The following CADM2 variants were observed in gnomAD, a reference collection of about 807,000 sequenced individuals.
The protein encoded by CADM2 is immunoglobulin superfamily member 4D.
A neutral mutation model predicts 49.8 loss-of-function variants in CADM2; 12 were observed. The ratio of observed to expected loss-of-function variants is 0.24; its 90% CI spans 0.15 to 0.39. The LOEUF (loss-of-function observed/expected upper bound fraction) is 0.39. CADM2 is among the 10% of genes least tolerant of loss of function. CADM2 has a pLI of 1.00. For missense variants in CADM2, 378 were observed against 492.3 expected, an observed-to-expected ratio of 0.77 and a Z score of 2.20; for synonymous variants, 214 against 175.4, an observed-to-expected ratio of 1.22 and a Z score of -1.74.
At chr3:85,275,436 A>T (rs2106863615) in intron 1 of CADM2, among the ~76,000 whole-genome samples, 1 of 151,616 alleles carries the variant, frequency 6.6e-6, no homozygotes, top group Non-Finnish European at 1.5e-5. Flanking sequence ...ACCTTCCACA[A>T]AATGTTTTAT....
chr3:86,017,060 C>A (rs1360345624), intron 8 of CADM2, among the ~76,000 whole-genome samples: 1 of 151,350 alleles, frequency 6.6e-6, no homozygotes, highest in Admixed American at 6.6e-5. Flanking sequence ...GTGCTTATTG[C>A]TTTAAGCTTT....
chr3:85,765,986 A>C (rs1297711729), intron 2 of CADM2, among the ~76,000 whole-genome samples: 1 of 152,112 alleles, frequency 6.6e-6, no homozygotes, highest in Non-Finnish European at 1.5e-5. Flanking sequence ...AGGGAGGAAA[A>C]TGTGCATATT....
intron 3 of CADM2, among the ~76,000 whole-genome samples, chr3:85,841,709 A>G (rs1306065046): frequency 6.6e-6 from 1 of 152,088 alleles, no homozygotes; most frequent in Non-Finnish European, 1.5e-5. Flanking sequence ...TCTTTGGATT[A>G]ACAGACTTTA....
chr3:85,482,937 A>G (rs1156738718), intron 1 of CADM2, among the ~76,000 whole-genome samples: 8 of 151,594 alleles, frequency 5.3e-5, no homozygotes, highest in Admixed American at 2.0e-4. Flanking sequence ...ATGAATATAT[A>G]TTTGACAAAA....
chr3:85,607,004 A>G (rs1014383528), intron 1 of CADM2, among the ~76,000 whole-genome samples: 3 of 152,160 alleles, frequency 2.0e-5, no homozygotes, highest in African/African-American at 7.2e-5. Context: ...TTGACATTGT[A>G]TAAGTATTTC....
intron 1 of CADM2, among the ~76,000 whole-genome samples, chr3:85,286,349 T>C (rs1457733554): frequency 6.6e-6 from 1 of 152,194 alleles, no homozygotes; most frequent in Non-Finnish European, 1.5e-5. Flanking sequence ...AACAAAGCTG[T>C]ATTTTATTTT....
At chr3:85,414,743 A>T (rs1325259169) in intron 1 of CADM2, among the ~76,000 whole-genome samples, 2 of 152,170 alleles carry the variant, frequency 1.3e-5, no homozygotes, top group African/African-American at 4.8e-5. Flanking sequence ...CAAGCTTTTT[A>T]CATTTCCATT....
At chr3:85,793,163 C>G (rs1297939394) in intron 2 of CADM2, among the ~76,000 whole-genome samples, 1 of 152,112 alleles carries the variant, frequency 6.6e-6, no homozygotes, top group Non-Finnish European at 1.5e-5. Context: ...GCTCAGTCTG[C>G]TATTTAAAGA....
chr3:85,303,683 T>C (rs892072919), intron 1 of CADM2, among the ~76,000 whole-genome samples: 2 of 151,950 alleles, frequency 1.3e-5, no homozygotes, highest in African/African-American at 4.8e-5. Context: ...TCAAATAGCC[T>C]ATATAATGTC....
chr3:85,944,077 G>T (rs1174104736), intron 7 of CADM2, among the ~76,000 whole-genome samples: 1 of 151,908 alleles, frequency 6.6e-6, no homozygotes, highest in African/African-American at 2.4e-5. Flanking sequence ...GATGGAGGAA[G>T]ATCTACCAAG....
chr3:85,883,181 A>C, intron 3 of CADM2, 110 bp from the exon 4 acceptor site: 2 of 761,404 alleles, frequency 2.6e-6, no homozygotes, highest in Non-Finnish European at 3.9e-6. Flanking sequence ...ATAAGATTTG[A>C]ATGTATGGCC....
At chr3:85,913,583 G>A (rs550960201) in intron 6 of CADM2, among the ~76,000 whole-genome samples, 1 of 151,872 alleles carries the variant, frequency 6.6e-6, no homozygotes, top group Non-Finnish European at 1.5e-5. Context: ...ATTGTTTTGG[G>A]CACTGGGGTT....
At chr3:86,059,095 CA>C (rs10712762) in intron 8 of CADM2, among the ~76,000 whole-genome samples, 58,810 of 128,444 alleles carry the variant, frequency 0.46, 12,236 homozygotes, top group African/African-American at 0.52. Context: ...CTCCATCTTA[CA>C]AAAAAAAAAA....
intron 3 of CADM2, among the ~76,000 whole-genome samples, chr3:85,823,918 A>G (rs908084573): frequency 6.6e-6 from 1 of 152,124 alleles, no homozygotes; most frequent in Non-Finnish European, 1.5e-5. Context: ...ATAGGCAGAA[A>G]AATTACAGCC....
intron 3 of CADM2, among the ~76,000 whole-genome samples, chr3:85,829,202 T>C (rs751516198): frequency 6.6e-5 from 10 of 151,940 alleles, no homozygotes; most frequent in Admixed American, 1.3e-4. Context: ...GTTTCTTTAA[T>C]AGTAGCCATT....
intron 1 of CADM2, among the ~76,000 whole-genome samples, chr3:85,195,438 TGTCTCCCATGTAA>T (rs2041319189): frequency 1.3e-5 from 2 of 151,998 alleles, no homozygotes; most frequent in Non-Finnish European, 2.9e-5. Context: ...GAAACCTCTG[TGTCTCCCATGTAA>T]GCTATGACCT....
intron 2 of CADM2, among the ~76,000 whole-genome samples, chr3:85,788,969 T>A (rs1466214149): frequency 1.3e-5 from 2 of 152,134 alleles, no homozygotes; most frequent in Non-Finnish European, 2.9e-5. Flanking sequence ...ATTAGTGACT[T>A]TCTTTACTAT....
intron 1 of CADM2, among the ~76,000 whole-genome samples, chr3:85,499,540 A>G (rs974299831): frequency 2.6e-5 from 4 of 151,326 alleles, no homozygotes; most frequent in African/African-American, 7.3e-5. Context: ...TATTACATAA[A>G]TTAATATTAA....
intron 1 of CADM2, among the ~76,000 whole-genome samples, chr3:85,520,006 A>T (rs186576775): frequency 3.9e-5 from 6 of 152,198 alleles, no homozygotes. Flanking sequence ...TAATTTTCTC[A>T]ATCAGATGCA....
Sources: allele counts gnomAD v4.1 joint callset (sites outside exome capture counted in the v4.1 genomes callset), GRCh38; gene constraint gnomAD v4.1.1; transcripts MANE v1.5; gene names NCBI Gene and HGNC (gene_info 2026-07-23, HGNC 2026-07-21).